STAB2: variants seen among roughly 807,000 people sequenced by gnomAD.
STAB2 encodes the protein stabilin-2.
Under a neutral mutation model 338.1 loss-of-function variants are expected in STAB2, and 288 were observed. The ratio of observed to expected loss-of-function variants is 0.85; its 90% CI spans 0.77 to 0.94. STAB2 has a LOEUF of 0.94. STAB2 is among the 40% of genes least tolerant of loss of function. The pLI, the probability that STAB2 is intolerant of heterozygous loss-of-function variation, is 0.00. For synonymous variants in STAB2, 1,202 were observed against 1,193.3 expected, an observed-to-expected ratio of 1.01 and a Z score of -0.15; for missense variants, 3,141 against 3,210.1, an observed-to-expected ratio of 0.98 and a Z score of 0.52.
intron 44 of STAB2, among the ~76,000 whole-genome samples, chr12:103,722,787 T>G (rs11837927): frequency 0.033 from 5,010 of 152,194 alleles, 109 homozygotes; most frequent in African/African-American, 0.058. Context: ...GTTTTTGTGC[T>G]GGGGAGTATG....
At chr12:103,646,076 G>A (rs916524756) in intron 9 of STAB2, among the ~76,000 whole-genome samples, 1 of 152,194 alleles carries the variant, frequency 6.6e-6, no homozygotes, top group Non-Finnish European at 1.5e-5. Flanking sequence ...AGGAGGCTGA[G>A]GCAGGAGAAT....
chr12:103,759,344 G>T (rs1884374379), intron 65 of STAB2, 71 bp downstream of exon 65: 2 of 1,568,142 alleles, frequency 1.3e-6, no homozygotes, highest in Admixed American at 3.9e-5. Context: ...TACAGTAGGT[G>T]CTTAATAGAT....
intron 3 of STAB2, among the ~76,000 whole-genome samples, chr12:103,600,537 C>A (rs1044860647): frequency 1.3e-5 from 2 of 152,184 alleles, no homozygotes; most frequent in East Asian, 3.8e-4. Context: ...TCATCTGAAC[C>A]TAAACACCTC....
chr12:103,682,404 T>C (rs1035803835), intron 25 of STAB2, among the ~76,000 whole-genome samples: 6 of 152,192 alleles, frequency 3.9e-5, no homozygotes, highest in African/African-American at 1.4e-4. Flanking sequence ...ACTTTTAGAC[T>C]TTCCAAATGG....
At chr12:103,756,432 G>A (rs1409042209) in intron 63 of STAB2, among the ~76,000 whole-genome samples, 1 of 152,070 alleles carries the variant, frequency 6.6e-6, no homozygotes, top group Non-Finnish European at 1.5e-5. Flanking sequence ...GACCACCATT[G>A]TCTCCCCAAA....
At chr12:103,667,506 C>CA (rs1206998295) in intron 19 of STAB2, among the ~76,000 whole-genome samples, 1 of 152,164 alleles carries the variant, frequency 6.6e-6, no homozygotes, top group African/African-American at 2.4e-5. Flanking sequence ...GTTTAATCAC[C>CA]ATTCTATGAT....
At chr12:103,683,095 C>A in intron 25 of STAB2, 110 bp from the exon 26 acceptor site, 2 of 844,718 alleles carry the variant, frequency 2.4e-6, no homozygotes, top group Non-Finnish European at 3.7e-6. Context: ...TTCTCTGGGA[C>A]AGCCAAGCAG....
At chr12:103,662,748 T>A (rs1874730500) in intron 17 of STAB2, 98 bp from the exon 18 acceptor site, 1 of 1,468,186 alleles carries the variant, frequency 6.8e-7, no homozygotes, top group Non-Finnish European at 9.2e-7. Flanking sequence ...GTTGAGGACT[T>A]TTTAGCAAAG....
chr12:103,587,611 A>G (rs2138514322), intron 1 of STAB2, 54 bp downstream of exon 1: 1 of 1,464,930 alleles, frequency 6.8e-7, no homozygotes, highest in South Asian at 1.2e-5. Context: ...GATATGTTCA[A>G]AAGCTTGTCG....
intron 3 of STAB2, among the ~76,000 whole-genome samples, chr12:103,611,954 A>T (rs567060834): frequency 8.5e-5 from 13 of 152,096 alleles, no homozygotes; most frequent in Non-Finnish European, 1.9e-4. Flanking sequence ...GAAGCTTAGT[A>T]TGGCTGGCTA....
At chr12:103,735,138 T>C (rs1035344564) in intron 51 of STAB2, among the ~76,000 whole-genome samples, 9 of 152,184 alleles carry the variant, frequency 5.9e-5, no homozygotes, top group African/African-American at 2.2e-4. Flanking sequence ...AGGGGCACAG[T>C]GCCACCCATA....
At chr12:103,656,074 G>A (rs189543604) in intron 15 of STAB2, among the ~76,000 whole-genome samples, 51 of 152,254 alleles carry the variant, frequency 3.3e-4, no homozygotes, top group African/African-American at 1.2e-3. Context: ...TGGGCTTTCA[G>A]TTCTCTCACA....
intron 8 of STAB2, among the ~76,000 whole-genome samples, chr12:103,639,461 G>T (rs12317816): frequency 6.6e-6 from 1 of 151,950 alleles, no homozygotes; most frequent in South Asian, 2.1e-4. Context: ...CCAACACTCC[G>T]GGAGGCTGAG....
chr12:103,695,163 CAAG>C (rs1878288305), intron 31 of STAB2, among the ~76,000 whole-genome samples: 1 of 152,126 alleles, frequency 6.6e-6, no homozygotes, highest in African/African-American at 2.4e-5. Flanking sequence ...GAATAACAAC[CAAG>C]AAGAAAGGAT....
At position 103,706,866 on chromosome 12, in the gene STAB2, T is replaced by C. The variant is rs1407668006; in HGVS notation, c.4071T>C (p.Phe1357=). The C allele has an allele frequency of 1.9e-6, 3 of 1,614,220 alleles. No homozygotes were observed. In the Admixed American group the frequency reaches 5.0e-5, roughly 27 times the overall value. The part of the protein sequence containing the change: ...PCPGNAQNVC[F]GNGICLDGVN... ...CAGGGAATGCCCAGAATGTCTGCTTTGGTAATGGCATCTGTTTGGATGGAG... is the reference window on the plus strand; with the variant it reads ...CAGGGAATGCCCAGAATGTCTGCTTCGGTAATGGCATCTGTTTGGATGGAG... Residue 1357 remains phenylalanine (F), a synonymous_variant, in exon 38 of 69, where the codon TTT becomes TTC. Transcript: ENST00000388887.
At chr12:103,653,584 ATGGATACATGGATAGGTCAC>A (rs1189242066) in intron 12 of STAB2, among the ~76,000 whole-genome samples, 1 of 141,836 alleles carries the variant, frequency 7.1e-6, no homozygotes, top group South Asian at 2.3e-4. Context: ...GGATGGATGG[ATGGATACATGGATAGGTCAC>A]TGGATGGATG....
chr12:103,724,138 T>C (rs959141922), intron 44 of STAB2, among the ~76,000 whole-genome samples: 1 of 152,102 alleles, frequency 6.6e-6, no homozygotes, highest in Non-Finnish European at 1.5e-5. Flanking sequence ...ATGGATACTA[T>C]GTGTTTAAAG....
chr12:103,631,586 TTC>T lies in STAB2; in HGVS notation c.488-10_488-9del, dbSNP rs773988908. On this transcript the variant is annotated splice_polypyrimidine_tract_variant and intron_variant, in intron 5 of 68. Coordinates refer to ENST00000388887, the MANE Select transcript of STAB2 (RefSeq NM_017564.10). Reference sequence around the variant, plus strand: ...TGTCAGGTAATAAAAATCCCCCACTTTCTGTCTCCAGTGTGCAACTGTGTGCA... The same window carrying T: ...TGTCAGGTAATAAAAATCCCCCACTTTGTCTCCAGTGTGCAACTGTGTGCA... The T allele has an allele frequency of 1.2e-6, 2 of 1,613,438 alleles. No individual in the cohort carries two copies. Among genetic ancestry groups the T allele is most frequent in the East Asian group, 2.2e-5 (1 of 44,886 alleles).
At chr12:103,734,163 T>A (rs1405342170) in intron 51 of STAB2, among the ~76,000 whole-genome samples, 1 of 122,068 alleles carries the variant, frequency 8.2e-6, no homozygotes, top group Non-Finnish European at 1.7e-5. Flanking sequence ...CACAGTCTCA[T>A]AGGAGCAAGC....
Sources: gnomAD v4.1 joint callset for allele counts (sites outside exome capture counted in the v4.1 genomes callset) on GRCh38, gnomAD v4.1.1 for gene constraint, MANE v1.5 for transcripts, NCBI Gene and HGNC (gene_info 2026-07-23, HGNC 2026-07-21) for gene names.